Variants in TANC2 observed in about 807,000 individuals in gnomAD.
TANC2 encodes the protein tetratricopeptide repeat, ankyrin repeat and coiled-coil containing 2, also known as protein TANC2.
TANC2 carries 26 observed loss-of-function variants against 210.5 expected under a neutral mutation model. That is an observed-to-expected ratio of 0.12 (90% CI 0.09 to 0.17). The LOEUF is 0.17. Ranked by LOEUF, TANC2 falls within the 10% of genes least tolerant of loss-of-function variation. TANC2 has a pLI of 1.00. For missense variants in TANC2, 2,129 were observed against 2,608.9 expected, an observed-to-expected ratio of 0.82 and a Z score of 4.01; for synonymous variants, 931 against 967.1, an observed-to-expected ratio of 0.96 and a Z score of 0.69.
At chr17:63,320,655 C>T (rs779001314) in intron 11 of TANC2, among the ~76,000 whole-genome samples, 4 of 152,096 alleles carry the variant, frequency 2.6e-5, no homozygotes, top group Non-Finnish European at 4.4e-5. Context: ...TCTTGAGCTT[C>T]CAATATTGCT....
intron 9 of TANC2, among the ~76,000 whole-genome samples, chr17:63,279,098 G>C (rs2043982435): frequency 6.6e-6 from 1 of 152,060 alleles, no homozygotes; most frequent in Non-Finnish European, 1.5e-5. Context: ...GCTTTAATTA[G>C]CCTCTCCCCC....
intron 2 of TANC2, among the ~76,000 whole-genome samples, chr17:63,068,275 G>A (rs954438903): frequency 5.3e-5 from 8 of 152,040 alleles, no homozygotes; most frequent in African/African-American, 1.7e-4. Context: ...ATACCAATTC[G>A]CGTTGTTTAG....
At chr17:63,406,536 T>C (rs1470296308) in intron 21 of TANC2, among the ~76,000 whole-genome samples, 1 of 152,210 alleles carries the variant, frequency 6.6e-6, no homozygotes, top group Non-Finnish European at 1.5e-5. Flanking sequence ...CTCCAAACTT[T>C]GATTTTTTAA....
intron 9 of TANC2, among the ~76,000 whole-genome samples, chr17:63,283,987 CT>C (rs1362485922): frequency 2.6e-5 from 4 of 151,806 alleles, no homozygotes; most frequent in Non-Finnish European, 5.9e-5. Flanking sequence ...CTGACTAGAA[CT>C]AGTACAATGT....
chr17:63,255,453 T>G (rs371000424), intron 8 of TANC2, among the ~76,000 whole-genome samples: 4 of 152,180 alleles, frequency 2.6e-5, no homozygotes, highest in African/African-American at 9.7e-5. Context: ...GATCCTGGGC[T>G]TTTCTTTGCT....
intron 2 of TANC2, among the ~76,000 whole-genome samples, chr17:63,051,129 T>C (rs1163521925): frequency 6.6e-6 from 1 of 152,224 alleles, no homozygotes; most frequent in African/African-American, 2.4e-5. Flanking sequence ...CTTCCCTACA[T>C]TTATAGCATA....
intron 2 of TANC2, among the ~76,000 whole-genome samples, chr17:63,025,857 T>TAAAAA (rs1568327401): frequency 6.7e-6 from 1 of 148,858 alleles, no homozygotes; most frequent in South Asian, 2.1e-4. Context: ...TAAAATAAAA[T>TAAAAA]AAAAAATAAA....
chr17:63,267,700 A>G (rs1567867204), intron 8 of TANC2, 48 bp from the exon 9 acceptor site: 3 of 1,591,464 alleles, frequency 1.9e-6, no homozygotes, highest in South Asian at 2.3e-5. Context: ...TAGCTGAAAG[A>G]CATTTTCTGA....
chr17:63,038,299 C>T (rs1468842414), intron 2 of TANC2, among the ~76,000 whole-genome samples: 1 of 152,006 alleles, frequency 6.6e-6, no homozygotes, highest in Non-Finnish European at 1.5e-5. Context: ...TTCTTTGAAC[C>T]GTTAGTATGG....
intron 6 of TANC2, 75 bp from the exon 7 acceptor site, chr17:63,200,696 G>C (rs1054478351): frequency 4.6e-6 from 6 of 1,297,582 alleles, no homozygotes; most frequent in Admixed American, 2.3e-5. Flanking sequence ...TTTCATCAAA[G>C]CATTTATTTT....
intron 7 of TANC2, among the ~76,000 whole-genome samples, chr17:63,208,864 A>T (rs2041799877): frequency 6.6e-6 from 1 of 152,166 alleles, no homozygotes. Flanking sequence ...GCACTGCAGC[A>T]AAGTCTCTTA....
intron 2 of TANC2, among the ~76,000 whole-genome samples, chr17:63,052,660 A>G (rs1456160549): frequency 6.6e-6 from 1 of 152,192 alleles, no homozygotes; most frequent in Non-Finnish European, 1.5e-5. Flanking sequence ...CTCTTGGTTT[A>G]TAAGATAGCA....
intron 21 of TANC2, 40 bp downstream of exon 21, chr17:63,406,317 TAA>T: frequency 6.2e-7 from 1 of 1,605,450 alleles, no homozygotes; most frequent in South Asian, 1.1e-5. Context: ...CCAGTTTCCA[TAA>T]TTACCTGGTG....
In TANC2 at chr17:63,187,033, A is replaced by G. The variant is rs371448059; in HGVS notation, c.434-6958A>G. On this transcript the variant is annotated intron_variant, in intron 5 of 27. Transcript: ENST00000689528. ...AATTGGAGTGTATTGTGTTATGAAG[A>G]TGAGACCCTCTTCATATCACCTGGA... Among the ~76,000 whole-genome samples the G allele has an allele frequency of 2.6e-4, 40 of 152,332 alleles. No individual in the cohort carries two copies. In the South Asian group the frequency reaches 5.8e-3, roughly 22 times the overall value.
intron 1 of TANC2, among the ~76,000 whole-genome samples, chr17:63,007,088 G>A (rs1161072922): frequency 1.3e-5 from 2 of 151,814 alleles, no homozygotes; most frequent in South Asian, 2.1e-4. Flanking sequence ...AATTAGTGGT[G>A]TGTGGGAGCT....
intron 2 of TANC2, among the ~76,000 whole-genome samples, chr17:63,039,110 A>G (rs2035084798): frequency 6.6e-6 from 1 of 152,220 alleles, no homozygotes; most frequent in South Asian, 2.1e-4. Flanking sequence ...CTGTTTATGC[A>G]TTTATACATG....
At chr17:63,219,202 T>C (rs545616301) in intron 7 of TANC2, among the ~76,000 whole-genome samples, 2 of 152,310 alleles carry the variant, frequency 1.3e-5, no homozygotes, top group East Asian at 1.9e-4. Context: ...ATTCCAGGGG[T>C]TGGTAAACCA....
chr17:63,427,406 C>G (rs1474985644), exon 28 of TANC2: 1 of 152,342 alleles, frequency 6.6e-6, no homozygotes, highest in Non-Finnish European at 1.5e-5. Context: ...AGTATATTAT[C>G]CAATGCATGT....
chr17:63,082,230 T>A (rs2036804468), intron 3 of TANC2, among the ~76,000 whole-genome samples: 1 of 151,058 alleles, frequency 6.6e-6, no homozygotes, highest in Non-Finnish European at 1.5e-5. Context: ...TAAAATATTC[T>A]TATGTGAATT....
Sources: allele counts gnomAD v4.1 joint callset (sites outside exome capture counted in the v4.1 genomes callset), GRCh38; gene constraint gnomAD v4.1.1; transcripts MANE v1.5; gene names NCBI Gene and HGNC (gene_info 2026-07-23, HGNC 2026-07-21).